Variants in OGDHL observed in about 807,000 individuals in gnomAD.
OGDHL encodes oxoglutarate dehydrogenase L, also known as 2-oxoglutarate dehydrogenase-like, mitochondrial.
OGDHL carries 79 observed loss-of-function variants against 109.6 expected under a neutral mutation model. That is an observed-to-expected ratio of 0.72 (90% CI 0.60 to 0.87). The LOEUF (loss-of-function observed/expected upper bound fraction) is 0.87. Among genes scored for constraint, OGDHL ranks in the 40% least tolerant of loss-of-function variants. The pLI is 0.00. For missense variants in OGDHL, 1,275 were observed against 1,362.2 expected (o/e 0.94, Z 1.01); for synonymous variants, 528 against 537.2 (o/e 0.98, Z 0.24).
chr10:49,761,739 G>C (rs990085595), intron 1 of OGDHL, among the ~76,000 whole-genome samples: 2 of 152,184 alleles, frequency 1.3e-5, no homozygotes, highest in South Asian at 2.1e-4. Context: ...TGCAAGCAGC[G>C]ACCTCAGGCC....
chr10:49,740,747 G>A lies in OGDHL; in HGVS notation c.2103C>T (p.Thr701=), dbSNP rs528566362. 1.9e-5 allele frequency: 30 copies of A among 1,613,772 alleles called. No homozygotes were observed. The highest frequency in any genetic ancestry group is 3.3e-5 in the South Asian group (3 of 91,080). Residue 701 remains threonine (T), a synonymous_variant, in exon 16 of 23, where the codon ACC becomes ACT. Coordinates refer to ENST00000374103, the MANE Select transcript of OGDHL (RefSeq NM_018245.3). ...NHLWPDQAPY[T]VCNSSLSEYG... is the part of the protein sequence containing the mutation. Reference sequence around the variant, plus strand: ...ACTCCGAGAGGGAGCTGTTGCACACGGTGTACGGGGCCTGGTCAGGCCAGA... The same window carrying A: ...ACTCCGAGAGGGAGCTGTTGCACACAGTGTACGGGGCCTGGTCAGGCCAGA...
At chr10:49,739,023 C>T (rs114962494) in intron 17 of OGDHL, 2 of 152,896 alleles carry the variant, frequency 1.3e-5, no homozygotes, top group African/African-American at 4.8e-5. Context: ...GAGTATGCAG[C>T]CTGTAAAGTG....
chr10:49,760,681 G>A (rs1319060405), intron 1 of OGDHL, among the ~76,000 whole-genome samples: 3 of 152,208 alleles, frequency 2.0e-5, no homozygotes, highest in African/African-American at 7.2e-5. Flanking sequence ...CATCCCATGG[G>A]GTGGGCACTC....
chr10:49,736,246 A>C, intron 21 of OGDHL, 69 bp from the exon 22 acceptor site: 1 of 1,573,626 alleles, frequency 6.4e-7, no homozygotes, highest in South Asian at 1.2e-5. Context: ...CCCGGACAGG[A>C]GGCACAGGGC....
Position 49,738,240 on chromosome 10 carries a change from C to T in OGDHL, c.2342G>A (p.Arg781Lys). 6.2e-7 allele frequency: 1 copy of T among 1,613,422 alleles called. No homozygotes were observed. The highest frequency in any genetic ancestry group is 2.2e-5 in the East Asian group (1 of 44,854). ...EGMGPEHSSA[R>K]PERFLQMSND... ...GCTCATCTGCAGGAACCTTTCGGGC[C>T]TCGCTGACGAGTGCTCTGGGCCCTG... is the stretch of plus-strand genomic sequence containing the variant. The change falls in exon 18 of 23, where the codon AGG becomes AAG. Residue 781 changes from arginine (R) to lysine (K), a missense_variant. By Grantham distance (26) the Arg-to-Lys change is conservative (BLOSUM62 2). Coordinates refer to ENST00000374103, the MANE Select transcript of OGDHL (RefSeq NM_018245.3).
rs1383491396 is a variant in OGDHL, at chr10:49,744,831, C to T, written c.1630-79G>A. ...GCCCAGTCCACTTGGACTCGTAAGT[C>T]CTGGTCCCCATCACCAAGTTCTTCT... On this transcript the variant is annotated intron_variant, in intron 12 of 22. Coordinates refer to ENST00000374103, the MANE Select transcript of OGDHL (RefSeq NM_018245.3). 9 of 1,156,454 alleles carry T rather than the reference C, an allele frequency of 7.8e-6. No homozygotes were observed. In the Admixed American group the frequency reaches 1.6e-4, roughly 20 times the overall value. The allele number at this position is 1,156,454 out of a possible 1,614,324, so 71.6% of individuals were successfully genotyped here.
Position 49,735,130 on chromosome 10 carries a change from A to G in OGDHL, c.*98T>C. On this transcript the variant is annotated 3_prime_UTR_variant, in exon 23 of 23. Transcript: ENST00000374103. Reference sequence around the variant, plus strand: ...TGTCTGTTTTATCCTGGGGCCCCACAGCCCCTCTCCTGGGCAGGAGCTCCG... The same window carrying G: ...TGTCTGTTTTATCCTGGGGCCCCACGGCCCCTCTCCTGGGCAGGAGCTCCG... 6.6e-7 allele frequency: 1 copy of G among 1,511,448 alleles called. No homozygotes were observed. The highest frequency in any genetic ancestry group is 2.1e-5 in the Admixed American group (1 of 48,072). The allele number at this position is 1,511,448 out of a possible 1,614,324, so 93.6% of individuals were successfully genotyped here.
chr10:49,754,003 C>A (rs945829239), intron 3 of OGDHL, among the ~76,000 whole-genome samples: 5 of 151,616 alleles, frequency 3.3e-5, no homozygotes, highest in Non-Finnish European at 7.4e-5. Context: ...TTTTTGACAT[C>A]TCTAAAGGCA....
chr10:49,746,910 C>T (rs1455218504), intron 9 of OGDHL, 32 bp from the exon 10 acceptor site: 7 of 1,613,362 alleles, frequency 4.3e-6, no homozygotes, highest in African/African-American at 2.7e-5. Context: ...GGAGGGGCTG[C>T]GTGCCCCAGC....
rs370524186 is a variant in OGDHL at position 49,758,729 on chromosome 10, G to A, written c.-1-136C>T. The A allele has an allele frequency of 7.0e-5, 60 of 859,278 alleles. No homozygotes were observed. In the African/African-American group the frequency reaches 9.7e-4, roughly 14 times the overall value. The allele number at this position is 859,278 out of a possible 1,614,324, so 53.2% of individuals were successfully genotyped here. A position where few individuals can be genotyped will look rare whatever the true frequency, so the allele number is the denominator to read the frequency against. ...TGCTGGGCTAGGCAGTGATGAGACT[G>A]GGAATGTGACACTCTCCCAGCCCCC... On this transcript the variant is annotated intron_variant, in intron 1 of 22. Coordinates refer to ENST00000374103, the MANE Select transcript of OGDHL (RefSeq NM_018245.3).
intron 8 of OGDHL, among the ~76,000 whole-genome samples, chr10:49,748,457 G>A (rs755579541): frequency 6.6e-6 from 1 of 152,170 alleles, no homozygotes; most frequent in Non-Finnish European, 1.5e-5. Context: ...GAGTCTCACT[G>A]AGGAACATAT....
In OGDHL at chr10:49,752,142, C is replaced by T; in HGVS notation, c.585G>A (p.Arg195=). The T allele has an allele frequency of 1.2e-6, 2 of 1,614,046 alleles. No homozygotes were observed. Among genetic ancestry groups the T allele is most frequent in the Non-Finnish European group, 1.7e-6 (2 of 1,179,972 alleles). Residue 195 remains arginine, a synonymous_variant, in exon 5 of 23, where the codon CGG becomes CGA. Coordinates refer to ENST00000374103, the MANE Select transcript of OGDHL (RefSeq NM_018245.3). ...ENTLSLREII[R]RLENTYCQHI... ...ACCCGCCTGTGCTCACCTCCAGGCGCCGAATGATCTCCCGCAGAGAGAGGG... is the reference window on the plus strand; with the variant it reads ...ACCCGCCTGTGCTCACCTCCAGGCGTCGAATGATCTCCCGCAGAGAGAGGG...
chr10:49,737,753 G>A (rs1330713411), intron 20 of OGDHL, 33 bp downstream of exon 20: 2 of 1,612,652 alleles, frequency 1.2e-6, no homozygotes, highest in Admixed American at 1.7e-5. Context: ...GCCCCATTGT[G>A]GGCTACCCCA....
chr10:49,742,775 C>G, intron 15 of OGDHL, 53 bp downstream of exon 15: 1 of 1,571,404 alleles, frequency 6.4e-7, no homozygotes, highest in Non-Finnish European at 8.6e-7. Flanking sequence ...CCAAGCCAGG[C>G]CCAGCTTCTG....
chr10:49,750,730 AC>A, intron 7 of OGDHL, 108 bp downstream of exon 7: 1 of 1,384,972 alleles, frequency 7.2e-7, no homozygotes, highest in Non-Finnish European at 9.6e-7. Flanking sequence ...ACCCACCTCT[AC>A]CCCCAGGTCC....
intron 4 of OGDHL, 139 bp downstream of exon 4, chr10:49,752,499 G>A: frequency 2.6e-6 from 2 of 756,076 alleles, no homozygotes; most frequent in Admixed American, 2.0e-5. Context: ...CAGTACACAG[G>A]CAAGGTAGAA....
chr10:49,740,762 G>A lies in OGDHL; in HGVS notation c.2088C>T (p.Asp696=). 6.2e-7 allele frequency: 1 copy of A among 1,613,904 alleles called. No individual in the cohort carries two copies. Residue 696 remains aspartate, a synonymous_variant, in exon 16 of 23, where the codon GAC becomes GAT. Coordinates refer to ENST00000374103, the MANE Select transcript of OGDHL (RefSeq NM_018245.3). The part of the protein sequence containing the change: ...TCVPMNHLWP[D]QAPYTVCNSS... The stretch of plus-strand genomic sequence containing the variant: ...TGTTGCACACGGTGTACGGGGCCTG[G>A]TCAGGCCAGAGATGATTCATAGGCA...
In OGDHL at chr10:49,735,098, G is replaced by C; in HGVS notation, c.*130C>G. 8.5e-7 allele frequency: 1 copy of C among 1,175,870 alleles called. No individual in the cohort carries two copies. Among genetic ancestry groups the C allele is most frequent in the Non-Finnish European group, 1.2e-6 (1 of 833,930 alleles). 72.8% of individuals were successfully genotyped at this position (1,175,870 alleles called of 1,614,324 possible). On this transcript the variant is annotated 3_prime_UTR_variant, in exon 23 of 23. Transcript: ENST00000374103. ...GCCAGCAGTGCTGGCTCTTGGCCCTGTCACTGTGTCTGTTTTATCCTGGGG... is the reference window on the plus strand; with the variant it reads ...GCCAGCAGTGCTGGCTCTTGGCCCTCTCACTGTGTCTGTTTTATCCTGGGG...
chr10:49,754,062 T>C (rs1842770327), intron 3 of OGDHL, among the ~76,000 whole-genome samples: 2 of 152,140 alleles, frequency 1.3e-5, no homozygotes, highest in African/African-American at 2.4e-5. Context: ...AAATCCCACA[T>C]TTGTAGCACG....
Sources: allele counts gnomAD v4.1 joint callset (sites outside exome capture counted in the v4.1 genomes callset), GRCh38; gene constraint gnomAD v4.1.1; transcripts MANE v1.5; gene names NCBI Gene and HGNC (gene_info 2026-07-23, HGNC 2026-07-21).